Variants in CDH23 observed in about 807,000 individuals in gnomAD.
CDH23 encodes cadherin-23.
A neutral mutation model predicts 317.1 loss-of-function variants in CDH23; 189 were observed. The observed-to-expected ratio is 0.60, with a 90% confidence interval of 0.53 to 0.67. The LOEUF is 0.67. CDH23 is among the 30% of genes least tolerant of loss of function. The pLI is 0.00. For missense variants in CDH23, 4,401 were observed against 4,592.4 expected, an observed-to-expected ratio of 0.96 and a Z score of 1.20; for synonymous variants, 1,839 against 1,876.8, an observed-to-expected ratio of 0.98 and a Z score of 0.52.
At position 71,803,114 on chromosome 10, in the gene CDH23, G is replaced by T. The variant is rs1164888899; in HGVS notation, c.7660+39G>T. On this transcript the variant is annotated intron_variant, in intron 54 of 69. Transcript: ENST00000224721. ...CTTGGACACCCATGATGTCTTGGGGGGTGGGAGGGGGAGGCCTGCCAGCCC... is the reference window on the plus strand; with the variant it reads ...CTTGGACACCCATGATGTCTTGGGGTGTGGGAGGGGGAGGCCTGCCAGCCC... 4.4e-6 allele frequency: 7 copies of T among 1,601,632 alleles called. No homozygotes were observed. The Admixed American group carries it at 8.4e-5, about 19-fold the overall frequency.
chr10:71,508,885 A>G (rs1853795917), intron 3 of CDH23, among the ~76,000 whole-genome samples: 1 of 152,206 alleles, frequency 6.6e-6, no homozygotes, highest in South Asian at 2.1e-4. Flanking sequence ...GAGACCAACC[A>G]TCCCAGTTTG....
chr10:71,787,917 T>G (rs1445110316), intron 44 of CDH23, among the ~76,000 whole-genome samples: 1 of 152,228 alleles, frequency 6.6e-6, no homozygotes, highest in Non-Finnish European at 1.5e-5. Flanking sequence ...AGAGGGGTAT[T>G]GTGGGATTGA....
At chr10:71,610,950 A>T (rs1174987987) in intron 9 of CDH23, among the ~76,000 whole-genome samples, 2 of 150,962 alleles carry the variant, frequency 1.3e-5, no homozygotes, top group East Asian at 2.0e-4. Flanking sequence ...CCCCTACCAG[A>T]TACTCCCCGA....
chr10:71,689,197 C>CAGTATGGTGGAGT (rs1865088133), intron 19 of CDH23, among the ~76,000 whole-genome samples: 1 of 91,208 alleles, frequency 1.1e-5, no homozygotes, highest in African/African-American at 4.8e-5. Context: ...GGTGGTGGAG[C>CAGTATGGTGGAGT]CAGGGTTGGT....
chr10:71,741,095 T>C (rs1036954717), intron 37 of CDH23, 145 bp downstream of exon 37: 4 of 892,478 alleles, frequency 4.5e-6, no homozygotes, highest in Admixed American at 3.9e-5. Context: ...TTCGTAGTGA[T>C]AGCCCTAACG....
intron 38 of CDH23, among the ~76,000 whole-genome samples, chr10:71,768,762 G>A (rs1284438786): frequency 6.6e-6 from 1 of 152,232 alleles, no homozygotes; most frequent in African/African-American, 2.4e-5. Flanking sequence ...TTACAGGCAT[G>A]AGCCACTGTG....
At chr10:71,578,269 T>G (rs1036470255) in intron 9 of CDH23, among the ~76,000 whole-genome samples, 1 of 152,154 alleles carries the variant, frequency 6.6e-6, no homozygotes, top group African/African-American at 2.4e-5. Context: ...TGTGCCGCTG[T>G]CCAAGGTCTG....
rs1288719835 is a variant in CDH23, at chr10:71,695,485, A to G, written c.2357A>G (p.Asn786Ser). The G allele has an allele frequency of 1.9e-6, 3 of 1,613,426 alleles. No homozygotes were observed. Among genetic ancestry groups the G allele is most frequent in the Non-Finnish European group, 8.5e-7 (1 of 1,179,428 alleles). ...TGGAAGGACGCACCCTACTACATCA[A>G]CCTGGTGGAGATGACCCCTCCAGAC... ...PTWKDAPYYI[N>S]LVEMTPPDSD... The change falls in exon 22 of 70, where the codon AAC becomes AGC. Residue 786 changes from asparagine to serine, a missense_variant. By Grantham distance (46) the Asn-to-Ser change is conservative. Coordinates refer to ENST00000224721, the MANE Select transcript of CDH23 (RefSeq NM_022124.6).
intron 32 of CDH23, among the ~76,000 whole-genome samples, chr10:71,733,714 A>C (rs1447166784): frequency 1.3e-5 from 2 of 152,344 alleles, no homozygotes; most frequent in East Asian, 3.9e-4. Context: ...AGTTATTCTT[A>C]GCTAGTTGTC....
rs1861130719 is a variant in CDH23, at chr10:71,615,504, G to A, written c.833G>A (p.Gly278Glu). 1.2e-6 allele frequency: 2 copies of A among 1,612,404 alleles called. No homozygotes were observed. The highest frequency in any genetic ancestry group is 1.7e-6 in the Non-Finnish European group (2 of 1,178,642). The change falls in exon 10 of 70, where the codon GGG becomes GAG. Residue 278 changes from glycine to glutamate, a missense_variant and splice_region_variant. Physicochemically the swap from Gly to Glu is moderately conservative, Grantham distance 98. Coordinates refer to ENST00000224721, the MANE Select transcript of CDH23 (RefSeq NM_022124.6). ...ACCTGAATGCTTCTCTCTCTTGCAG[G>A]GAATACCAACAGCATCTTTGCCCTG... ...PRGIGYTIVS[G>E]NTNSIFALDY...
chr10:71,774,049 G>GCACACACACACA (rs754333116), intron 38 of CDH23, among the ~76,000 whole-genome samples: 10 of 145,486 alleles, frequency 6.9e-5, no homozygotes, highest in Non-Finnish European at 1.4e-4. Flanking sequence ...GCATGCGCGC[G>GCACACACACACA]CGCACACACA....
chr10:71,627,113 G>A (rs998951411), intron 11 of CDH23, among the ~76,000 whole-genome samples: 5 of 152,140 alleles, frequency 3.3e-5, no homozygotes, highest in Non-Finnish European at 4.4e-5. Flanking sequence ...CTGGGGCCCC[G>A]GTGAGCACCT....
chr10:71,617,547 A>T, intron 11 of CDH23, 154 bp downstream of exon 11: 4 of 1,481,526 alleles, frequency 2.7e-6, no homozygotes, highest in Non-Finnish European at 3.6e-6. Flanking sequence ...CTGAAAAAAA[A>T]ATCACTAGTC....
intron 1 of CDH23, among the ~76,000 whole-genome samples, chr10:71,399,246 G>T (rs935049193): frequency 2.0e-4 from 30 of 152,206 alleles, no homozygotes; most frequent in African/African-American, 7.2e-4. Context: ...GGCATCACCT[G>T]GGGACTTGTT....
chr10:71,661,286 G>T (rs991886771), intron 14 of CDH23, among the ~76,000 whole-genome samples: 2 of 152,082 alleles, frequency 1.3e-5, no homozygotes, highest in Non-Finnish European at 2.9e-5. Flanking sequence ...CCAGCCTCCT[G>T]CAGGAGAAAC....
chr10:71,691,791 G>A (rs550731059), intron 20 of CDH23, among the ~76,000 whole-genome samples: 1 of 152,362 alleles, frequency 6.6e-6, no homozygotes, highest in Admixed American at 6.5e-5. Flanking sequence ...CAGGTGGTCA[G>A]TGGCCAGCAG....
chr10:71,667,646 C>G (rs1425490686), intron 14 of CDH23, among the ~76,000 whole-genome samples: 3 of 151,992 alleles, frequency 2.0e-5, no homozygotes, highest in Non-Finnish European at 4.4e-5. Flanking sequence ...ACAAGGCAGG[C>G]AACCTGTAAG....
chr10:71,618,265 G>A (rs1861293542), intron 11 of CDH23, among the ~76,000 whole-genome samples: 1 of 152,060 alleles, frequency 6.6e-6, no homozygotes, highest in African/African-American at 2.4e-5. Context: ...GCCTTAAAAG[G>A]AAGTAAGGGA....
intron 11 of CDH23, among the ~76,000 whole-genome samples, chr10:71,623,449 C>T (rs1043468430): frequency 1.3e-5 from 2 of 152,202 alleles, no homozygotes; most frequent in Non-Finnish European, 2.9e-5. Context: ...GCAGCCTCAT[C>T]GGGGGCAGGC....
Sources: allele counts gnomAD v4.1 joint callset (sites outside exome capture counted in the v4.1 genomes callset), GRCh38; gene constraint gnomAD v4.1.1; transcripts MANE v1.5; gene names NCBI Gene and HGNC (gene_info 2026-07-23, HGNC 2026-07-21).